Variants in TCF12 observed in about 807,000 individuals in gnomAD.
TCF12 encodes the protein DNA-binding protein HTF4.
A neutral mutation model predicts 86.0 loss-of-function variants in TCF12; 45 were observed. The ratio of observed to expected loss-of-function variants is 0.52; its 90% CI spans 0.41 to 0.67. TCF12 has a LOEUF of 0.67. Ranked by LOEUF, TCF12 falls within the 30% of genes least tolerant of loss-of-function variation. The probability of loss-of-function intolerance (pLI) is 0.00; values close to 1 mark genes in which losing one functional copy is unlikely to be tolerated. For synonymous variants in TCF12, 330 were observed against 299.6 expected (o/e 1.10, Z -1.05); for missense variants, 881 against 859.9 (o/e 1.02, Z -0.31).
At chr15:57,103,352 A>G (rs1379268895) in intron 5 of TCF12, among the ~76,000 whole-genome samples, 1 of 152,176 alleles carries the variant, frequency 6.6e-6, no homozygotes, top group Non-Finnish European at 1.5e-5. Context: ...ATTATATGCT[A>G]TTCATTTTCA....
intron 3 of TCF12, among the ~76,000 whole-genome samples, chr15:56,980,789 G>C (rs969501252): frequency 6.6e-6 from 1 of 152,122 alleles, no homozygotes; most frequent in African/African-American, 2.4e-5. Context: ...ATGTTTGGCT[G>C]TTTACTCATG....
intron 8 of TCF12, among the ~76,000 whole-genome samples, chr15:57,212,597 G>T (rs1168239145): frequency 1.3e-5 from 2 of 152,096 alleles, no homozygotes; most frequent in African/African-American, 4.8e-5. Context: ...CCTTTTAAGA[G>T]AGAAAAATAT....
chr15:57,164,583 C>A (rs2054732155), intron 5 of TCF12, among the ~76,000 whole-genome samples: 1 of 152,188 alleles, frequency 6.6e-6, no homozygotes, highest in Non-Finnish European at 1.5e-5. Flanking sequence ...CCTCCCACGA[C>A]ATGTCGGGAT....
At chr15:57,200,998 T>C (rs1269130133) in intron 8 of TCF12, among the ~76,000 whole-genome samples, 2 of 152,184 alleles carry the variant, frequency 1.3e-5, no homozygotes, top group Non-Finnish European at 2.9e-5. Flanking sequence ...CAGGTCTAAA[T>C]TGCTACATAC....
At chr15:57,039,821 A>G (rs1392536164) in intron 3 of TCF12, among the ~76,000 whole-genome samples, 1 of 152,200 alleles carries the variant, frequency 6.6e-6, no homozygotes, top group East Asian at 1.9e-4. Context: ...GTTACTAGTA[A>G]TATTCCTGCC....
At chr15:57,162,540 A>G (rs2054576200) in intron 5 of TCF12, among the ~76,000 whole-genome samples, 1 of 152,218 alleles carries the variant, frequency 6.6e-6, no homozygotes, top group Non-Finnish European at 1.5e-5. Context: ...TAGATTAAGT[A>G]TCATTTTGAA....
At chr15:56,967,833 T>C (rs915327762) in intron 3 of TCF12, among the ~76,000 whole-genome samples, 3 of 152,156 alleles carry the variant, frequency 2.0e-5, no homozygotes, top group Non-Finnish European at 2.9e-5. Flanking sequence ...ATAGTAACCA[T>C]AGTAGAATTT....
chr15:57,179,876 A>G (rs1441102709), intron 6 of TCF12, among the ~76,000 whole-genome samples: 3 of 152,160 alleles, frequency 2.0e-5, no homozygotes, highest in Non-Finnish European at 1.5e-5. Flanking sequence ...AAAGCATTTA[A>G]TGAAATCTTG....
At chr15:57,017,854 T>C (rs1288061825) in intron 3 of TCF12, among the ~76,000 whole-genome samples, 2 of 152,094 alleles carry the variant, frequency 1.3e-5, no homozygotes, top group Admixed American at 6.6e-5. Context: ...TACATGTATA[T>C]TTCTTCTTCT....
At chr15:57,005,102 T>C (rs964749343) in intron 3 of TCF12, among the ~76,000 whole-genome samples, 6 of 152,240 alleles carry the variant, frequency 3.9e-5, no homozygotes, top group African/African-American at 1.4e-4. Context: ...TGAAGACATA[T>C]GATCAGGGTG....
In TCF12 at chr15:57,220,365, A is replaced by C. The variant is rs559680340; in HGVS notation, c.580-10787A>C. On this transcript the variant is annotated intron_variant, in intron 8 of 20. Transcript: ENST00000333725. ...AAGCTCTGGTAATGATTAGGGAAGC[A>C]GTCAGCTAGTAAGGGCCGTATTTCC... 9.2e-5 allele frequency among the ~76,000 whole-genome samples: 14 copies of C among 152,308 alleles called. No homozygotes were observed. The East Asian group carries it at 2.7e-3, about 29-fold the overall frequency.
intron 5 of TCF12, among the ~76,000 whole-genome samples, chr15:57,127,044 G>C (rs1474886111): frequency 6.7e-6 from 1 of 148,732 alleles, no homozygotes; most frequent in East Asian, 2.0e-4. Flanking sequence ...GTGCAGTGGC[G>C]TGATCTCAGC....
At chr15:57,255,778 G>A (rs997026144) in intron 16 of TCF12, among the ~76,000 whole-genome samples, 4 of 151,858 alleles carry the variant, frequency 2.6e-5, no homozygotes, top group South Asian at 4.2e-4. Context: ...CACTGCACCC[G>A]GCCAGAGATA....
chr15:57,170,737 A>AAC (rs60006788), intron 6 of TCF12, among the ~76,000 whole-genome samples: 13,915 of 23,664 alleles, frequency 0.59, 3,199 homozygotes, highest in African/African-American at 0.67. Context: ...TATTATATAT[A>AAC]ATATATATTA....
chr15:57,006,127 A>G (rs1248843204), intron 3 of TCF12, among the ~76,000 whole-genome samples: 2 of 152,068 alleles, frequency 1.3e-5, no homozygotes, highest in Admixed American at 1.3e-4. Context: ...AATAAATTGA[A>G]CTGAACACTC....
intron 3 of TCF12, among the ~76,000 whole-genome samples, chr15:56,937,710 G>A (rs983892856): frequency 1.3e-5 from 2 of 151,606 alleles, no homozygotes; most frequent in Non-Finnish European, 2.9e-5. Context: ...ATTACATTGA[G>A]GTATGTCTCT....
At chr15:56,959,158 C>T (rs1273472400) in intron 3 of TCF12, among the ~76,000 whole-genome samples, 1 of 152,186 alleles carries the variant, frequency 6.6e-6, no homozygotes, top group Non-Finnish European at 1.5e-5. Flanking sequence ...AACACAGTGT[C>T]TGGCACACAG....
intron 3 of TCF12, among the ~76,000 whole-genome samples, chr15:57,026,143 C>G (rs1277495908): frequency 6.6e-6 from 1 of 152,194 alleles, no homozygotes; most frequent in African/African-American, 2.4e-5. Flanking sequence ...TGTGTCACCA[C>G]TTAACTCTGC....
intron 4 of TCF12, among the ~76,000 whole-genome samples, chr15:57,078,176 T>C (rs187970510): frequency 6.6e-6 from 1 of 152,174 alleles, no homozygotes; most frequent in African/African-American, 2.4e-5. Flanking sequence ...TTAATGCGAC[T>C]TCTGCCTGCC....
Sources: allele counts gnomAD v4.1 joint callset (sites outside exome capture counted in the v4.1 genomes callset), GRCh38; gene constraint gnomAD v4.1.1; transcripts MANE v1.5; gene names NCBI Gene and HGNC (gene_info 2026-07-23, HGNC 2026-07-21).